WBP2NL: variants seen among roughly 807,000 people sequenced by gnomAD.
WBP2NL encodes WBP2 N-terminal like.
Under a neutral mutation model 23.3 loss-of-function variants are expected in WBP2NL, and 27 were observed. The ratio of observed to expected loss-of-function variants is 1.16; its 90% confidence interval spans 0.85 to 1.60. The LOEUF is 1.60. Among genes scored for constraint, WBP2NL ranks in the 40% most tolerant of loss-of-function variants. The pLI, the probability that WBP2NL is intolerant of heterozygous loss-of-function variation, is 0.00. For synonymous variants in WBP2NL, 151 were observed against 145.9 expected (o/e 1.03, Z -0.25); for missense variants, 370 against 389.5 (o/e 0.95, Z 0.42).
chr22:42,024,869 C>T (rs1798515615), intron 5 of WBP2NL, among the ~76,000 whole-genome samples: 1 of 149,216 alleles, frequency 6.7e-6, no homozygotes, highest in Non-Finnish European at 1.5e-5. Context: ...GTGGCGCCAT[C>T]TTGGCTCACT....
At chr22:42,010,527 C>CCTTTT (rs1005549268) in intron 1 of WBP2NL, among the ~76,000 whole-genome samples, 1 of 151,960 alleles carries the variant, frequency 6.6e-6, no homozygotes, top group African/African-American at 2.4e-5. Context: ...ATATATTGAA[C>CCTTTT]CTTTTCTTTT....
chr22:42,029,031 TCAAGGC>T (rs1432758623), downstream of WBP2NL, among the ~76,000 whole-genome samples: 1 of 152,222 alleles, frequency 6.6e-6, no homozygotes, highest in Non-Finnish European at 1.5e-5. Context: ...CTAGACTGTT[TCAAGGC>T]TTTCAGCCCC....
chr22:42,039,675 T>C (rs1327850820), intron 8 of WBP2NL, among the ~76,000 whole-genome samples: 1 of 152,188 alleles, frequency 6.6e-6, no homozygotes, highest in Non-Finnish European at 1.5e-5. Context: ...TTTTTATTTC[T>C]GTGTCATCCA....
downstream of WBP2NL, among the ~76,000 whole-genome samples, chr22:42,037,875 G>C (rs981856850): frequency 1.3e-5 from 2 of 151,760 alleles, no homozygotes; most frequent in African/African-American, 2.4e-5. Flanking sequence ...GTGTGTGTGT[G>C]TGTGTGTTTG....
chr22:42,036,103 C>T (rs1925171063), downstream of WBP2NL, among the ~76,000 whole-genome samples: 2 of 152,146 alleles, frequency 1.3e-5, no homozygotes, highest in Non-Finnish European at 1.5e-5. Context: ...GACTGTCGTG[C>T]AAAATGCTAC....
downstream of WBP2NL, among the ~76,000 whole-genome samples, chr22:42,034,773 A>G (rs1394375548): frequency 1.3e-5 from 2 of 152,216 alleles, no homozygotes; most frequent in Admixed American, 6.5e-5. Context: ...GGGACTTTCC[A>G]TGCTGAGAAA....
chr22:42,016,646 G>C (rs1232264456), intron 1 of WBP2NL, among the ~76,000 whole-genome samples: 1 of 152,070 alleles, frequency 6.6e-6, no homozygotes, highest in Non-Finnish European at 1.5e-5. Context: ...GTTTTCTTTT[G>C]CTTTATTTAT....
chr22:42,001,197 A>G, intron 1 of WBP2NL: 1 of 750,344 alleles, frequency 1.3e-6, no homozygotes, highest in Non-Finnish European at 2.4e-6. Context: ...TTCCTCCAGC[A>G]GTCAAATGTG....
chr22:42,021,954 G>T (rs1015923337), intron 4 of WBP2NL, among the ~76,000 whole-genome samples: 2 of 151,844 alleles, frequency 1.3e-5, no homozygotes, highest in African/African-American at 4.8e-5. Flanking sequence ...GCACCACCAT[G>T]CCTGGCTAAT....
intron 1 of WBP2NL, among the ~76,000 whole-genome samples, chr22:42,012,521 T>C (rs2146773011): frequency 1.3e-5 from 2 of 152,348 alleles, no homozygotes; most frequent in South Asian, 4.1e-4. Flanking sequence ...TTCCTTGTGC[T>C]GTTGATTTCT....
In WBP2NL at chr22:42,020,111, T is replaced by C. The variant is rs373133245; in HGVS notation, c.406+15T>C. On this transcript the variant is annotated intron_variant, in intron 4 of 5. Transcript: ENST00000328823. ...TGCCTCTGCTGGTAAGTGATGCTGA[T>C]AAAGATATTAAGCACTTTGGGGTTT... is the stretch of plus-strand genomic sequence containing the variant. The C allele has an allele frequency of 1.4e-5, 23 of 1,606,912 alleles. No individual in the cohort carries two copies. Among genetic ancestry groups the C allele is most frequent in the Non-Finnish European group, 1.9e-5 (22 of 1,174,904 alleles).
At chr22:42,000,468 T>A (rs1921522833) in intron 1 of WBP2NL, among the ~76,000 whole-genome samples, 1 of 152,234 alleles carries the variant, frequency 6.6e-6, no homozygotes, top group Non-Finnish European at 1.5e-5. Flanking sequence ...TCTCCAAATT[T>A]GTTATTTATT....
intron 8 of WBP2NL, among the ~76,000 whole-genome samples, chr22:42,052,532 G>C (rs1925874286): frequency 6.6e-6 from 1 of 152,140 alleles, no homozygotes; most frequent in Non-Finnish European, 1.5e-5. Flanking sequence ...CACCCACCTT[G>C]GCCTCCCAGA....
chr22:42,014,667 C>CA (rs2146776958), intron 1 of WBP2NL, among the ~76,000 whole-genome samples: 1 of 152,256 alleles, frequency 6.6e-6, no homozygotes, highest in African/African-American at 2.4e-5. Context: ...TTGTGTTACT[C>CA]AGGTAGTAAC....
downstream of WBP2NL, among the ~76,000 whole-genome samples, chr22:42,035,976 C>G (rs1475547630): frequency 6.6e-6 from 1 of 152,122 alleles, no homozygotes; most frequent in Non-Finnish European, 1.5e-5. Flanking sequence ...CATTTTGTTA[C>G]AAATGGCAGG....
chr22:42,031,128 G>A (rs936615201), downstream of WBP2NL: 7 of 152,218 alleles, frequency 4.6e-5, no homozygotes, highest in African/African-American at 1.7e-4. Flanking sequence ...GACTGTGTAA[G>A]GATAGAACCA....
At chr22:42,013,635 A>G (rs982206595) in intron 1 of WBP2NL, among the ~76,000 whole-genome samples, 2 of 151,904 alleles carry the variant, frequency 1.3e-5, no homozygotes, top group African/African-American at 4.8e-5. Context: ...TTATTTTGAG[A>G]TAGGGTCTCT....
At chr22:42,001,613 G>C in intron 1 of WBP2NL, 1 of 1,146,566 alleles carries the variant, frequency 8.7e-7, no homozygotes, top group South Asian at 1.2e-5. Context: ...GGCACCGCCT[G>C]ATGCCAGATT....
intron 8 of WBP2NL, among the ~76,000 whole-genome samples, chr22:42,045,682 C>T (rs774557823): frequency 2.8e-4 from 42 of 152,078 alleles, no homozygotes; most frequent in Non-Finnish European, 5.0e-4. Flanking sequence ...ATCTCAATAG[C>T]CCTATATGTA....
Sources: allele counts gnomAD v4.1 joint callset (sites outside exome capture counted in the v4.1 genomes callset), GRCh38; gene constraint gnomAD v4.1.1; transcripts MANE v1.5; gene names NCBI Gene and HGNC (gene_info 2026-07-23, HGNC 2026-07-21).